HOXC6: variants seen among roughly 807,000 people sequenced by gnomAD.
The protein encoded by HOXC6 is homeobox C6, also known as homeobox protein Hox-C6.
In HOXC6, 10 loss-of-function variants were observed where a neutral mutation model predicts 24.0. The observed-to-expected ratio is 0.42, with a 90% CI of 0.26 to 0.71. The LOEUF is 0.71. HOXC6 is among the 30% of genes least tolerant of loss of function. HOXC6 has a pLI of 0.28. For missense variants in HOXC6, 258 were observed against 303.4 expected (o/e 0.85, Z 1.11); for synonymous variants, 123 against 128.1 (o/e 0.96, Z 0.27).
rs779640921 is a variant in HOXC6 at position 54,028,795 on chromosome 12, T to A, written c.274T>A (p.Leu92Ile). The change falls in exon 1 of 2, where the codon TTA becomes ATA. Residue 92 changes from leucine to isoleucine, a missense_variant. Coordinates refer to ENST00000243108, the MANE Select transcript of HOXC6 (RefSeq NM_004503.4). ...DMLSNCRQNT[L>I]GHNTQTSIAQ... ...GCTCTCAAACTGCAGACAAAACACC[T>A]TAGGACATAACACACAGACCTCAAT... is the stretch of plus-strand genomic sequence containing the variant. 4.3e-6 allele frequency: 7 copies of A among 1,613,940 alleles called. No homozygotes were observed. The East Asian group carries it at 1.6e-4, about 36-fold the overall frequency.
chr12:54,025,101 G>A (rs1940630752), upstream of HOXC6, among the ~76,000 whole-genome samples: 1 of 152,178 alleles, frequency 6.6e-6, no homozygotes, highest in South Asian at 2.1e-4. Context: ...GCCTGATGGG[G>A]TTGGGGGGTA....
chr12:54,026,622 G>A (rs1940710741), upstream of HOXC6, among the ~76,000 whole-genome samples: 2 of 152,182 alleles, frequency 1.3e-5, no homozygotes, highest in East Asian at 3.9e-4. Context: ...GAGGATTGGG[G>A]CTGTATTTTC....
chr12:54,028,570 G>A lies in HOXC6; in HGVS notation c.49G>A (p.Gly17Ser). ...TTCCTTATCCTGCCACCTCGCCGGG[G>A]GCCAGGACGTCCTCCCCAACGTCGC... The part of the protein sequence containing the change: ...NPSLSCHLAG[G>S]QDVLPNVALN... The change falls in exon 1 of 2, where the codon GGC (glycine) becomes AGC (serine). Residue 17 changes from glycine to serine, a missense_variant. Transcript: ENST00000243108. 1 of 1,614,066 alleles carries A rather than the reference G, an allele frequency of 6.2e-7. No individual in the cohort carries two copies. The highest frequency in any genetic ancestry group is 1.1e-5 in the South Asian group (1 of 91,074).
upstream of HOXC6, among the ~76,000 whole-genome samples, chr12:54,023,773 T>C (rs1940555107): frequency 6.6e-6 from 1 of 152,208 alleles, no homozygotes; most frequent in Non-Finnish European, 1.5e-5. Context: ...TGTACCTTTT[T>C]GGAATGCGGT....
At chr12:54,026,851 C>T (rs539135953), upstream of HOXC6, among the ~76,000 whole-genome samples, 10 of 152,106 alleles carry the variant, frequency 6.6e-5, no homozygotes, top group East Asian at 1.7e-3. Context: ...GGCTTTATTG[C>T]TACCCATTGA....
intron 1 of HOXC6, among the ~76,000 whole-genome samples, chr12:54,018,300 C>T (rs1326938462): frequency 6.6e-6 from 1 of 152,232 alleles, no homozygotes; most frequent in African/African-American, 2.4e-5. Flanking sequence ...GACCGGGATG[C>T]CCGCTCGCCA....
In HOXC6 at chr12:54,028,702, G is replaced by A. The variant is rs778234830; in HGVS notation, c.181G>A (p.Val61Ile). The A allele has an allele frequency of 2.5e-6, 4 of 1,613,946 alleles. No individual in the cohort carries two copies. The highest frequency in any genetic ancestry group is 2.2e-5 in the South Asian group (2 of 91,082). ...STPFYSPQEN[V>I]VFSSSRGPYD... ...TCCCTTTTATTCGCCACAGGAGAAT[G>A]TCGTGTTCAGTTCCAGCCGGGGGCC... Residue 61 changes from valine to isoleucine, a missense_variant, in exon 1 of 2, where the codon GTC becomes ATC. By Grantham distance (29) the Val-to-Ile change is conservative (BLOSUM62 3). Transcript: ENST00000243108.
At chr12:54,027,187 T>C (rs1940757050), upstream of HOXC6, among the ~76,000 whole-genome samples, 1 of 152,246 alleles carries the variant, frequency 6.6e-6, no homozygotes, top group Non-Finnish European at 1.5e-5. Flanking sequence ...CTTCCCTTTT[T>C]TTAGCCCCAA....
upstream of HOXC6, among the ~76,000 whole-genome samples, chr12:54,026,964 T>TGG (rs71068201): frequency 1.0e-3 from 128 of 127,326 alleles, no homozygotes; most frequent in African/African-American, 3.1e-3. Flanking sequence ...CCAAAAATGG[T>TGG]GGGGGGGGGG....
At chr12:54,017,799 A>C (rs1180840020) in intron 1 of HOXC6, among the ~76,000 whole-genome samples, 1 of 152,222 alleles carries the variant, frequency 6.6e-6, no homozygotes, top group Non-Finnish European at 1.5e-5. Flanking sequence ...TGGAAGCTCA[A>C]GCTCCAGGCA....
intron 1 of HOXC6, chr12:54,021,436 G>A (rs1400756467): frequency 1.3e-5 from 2 of 152,314 alleles, no homozygotes; most frequent in Non-Finnish European, 2.9e-5. Flanking sequence ...CCAAGGCTGA[G>A]AATTGATGGG....
In HOXC6 at chr12:54,030,678, G is replaced by T. The variant is rs1335892360; in HGVS notation, c.*716G>T. On this transcript the variant is annotated 3_prime_UTR_variant, in exon 2 of 2. Coordinates refer to ENST00000243108, the MANE Select transcript of HOXC6 (RefSeq NM_004503.4). ...AAAAAGAGGGAAAATTACAAAAAGA[G>T]AGAAAAAAAGTGAATGACGTTTGTT... 1 of 152,608 alleles carries T rather than the reference G, an allele frequency of 6.6e-6. No homozygotes were observed. Among genetic ancestry groups the T allele is most frequent in the East Asian group, 1.9e-4 (1 of 5,198 alleles). 9.5% of individuals were successfully genotyped at this position (152,608 alleles called of 1,614,324 possible).
Position 54,028,892 on chromosome 12 carries a change from C to A in HOXC6, c.371C>A (p.Pro124His), listed in dbSNP as rs768769275. The change falls in exon 1 of 2, where the codon CCC becomes CAC. Residue 124 changes from proline to histidine, a missense_variant. Transcript: ENST00000243108. ...CAGAAAGCCAGTATCCAGATTTACC[C>A]CTGGATGCAGCGAATGAATTCGCAC... ...QDQKASIQIYPWMQRMNSHSG... is the reference protein window; with the variant it reads ...QDQKASIQIYHWMQRMNSHSG... 12 of 1,612,358 alleles carry A rather than the reference C, an allele frequency of 7.4e-6. No individual in the cohort carries two copies. The highest frequency in any genetic ancestry group is 1.0e-5 in the Non-Finnish European group (12 of 1,179,880).
upstream of HOXC6, chr12:54,028,341 A>T: frequency 1.7e-6 from 1 of 594,288 alleles, no homozygotes; most frequent in South Asian, 2.5e-5. Context: ...CAGAAGCAGA[A>T]GCGATTTTTT....
At chr12:54,023,063 C>A (rs1236604601) in intron 1 of HOXC6, among the ~76,000 whole-genome samples, 2 of 152,170 alleles carry the variant, frequency 1.3e-5, no homozygotes, top group Admixed American at 6.5e-5. Context: ...CCTCAAGTGT[C>A]CCTAGGCATC....
At chr12:54,029,411 G>GGC (rs1555185355) in intron 1 of HOXC6, among the ~76,000 whole-genome samples, 2 of 76,896 alleles carry the variant, frequency 2.6e-5, no homozygotes, top group East Asian at 7.6e-4. Context: ...CCGCCCCCCC[G>GGC]CCCCCCCCCC....
chr12:54,017,612 G>A (rs539808672), intron 1 of HOXC6, among the ~76,000 whole-genome samples: 1 of 152,068 alleles, frequency 6.6e-6, no homozygotes, highest in Non-Finnish European at 1.5e-5. Context: ...GTAGTGGGGC[G>A]ATTGTGTTGT....
At chr12:54,029,104 C>A (rs1451403623) in intron 1 of HOXC6, among the ~76,000 whole-genome samples, 183 bp downstream of exon 1, 6 of 151,494 alleles carry the variant, frequency 4.0e-5, no homozygotes, top group Non-Finnish European at 8.8e-5. Flanking sequence ...CTTGCAGGGG[C>A]CTGGCCCCCT....
chr12:54,019,641 G>T (rs2136417037), intron 1 of HOXC6, among the ~76,000 whole-genome samples: 1 of 152,182 alleles, frequency 6.6e-6, no homozygotes, highest in Middle Eastern at 3.4e-3. Flanking sequence ...CAGGCCAGTG[G>T]AGATTCACCT....
Sources: allele counts gnomAD v4.1 joint callset (sites outside exome capture counted in the v4.1 genomes callset), GRCh38; gene constraint gnomAD v4.1.1; transcripts MANE v1.5; gene names NCBI Gene and HGNC (gene_info 2026-07-23, HGNC 2026-07-21).